FSTL5: variants seen among roughly 807,000 people sequenced by gnomAD.
The protein encoded by FSTL5 is follistatin like 5.
A neutral mutation model predicts 89.1 loss-of-function variants in FSTL5; 62 were observed. The ratio of observed to expected loss-of-function variants is 0.70; its 90% confidence interval spans 0.57 to 0.86. FSTL5 has a LOEUF of 0.86. FSTL5 is among the 40% of genes least tolerant of loss of function. The pLI, the probability that FSTL5 is intolerant of heterozygous loss-of-function variation, is 0.00. For synonymous variants in FSTL5, 383 were observed against 346.2 expected (o/e 1.11, Z -1.18); for missense variants, 1,057 against 1,001.6 (o/e 1.06, Z -0.75).
chr4:162,071,860 T>C (rs1187132844), intron 2 of FSTL5, among the ~76,000 whole-genome samples: 4 of 151,742 alleles, frequency 2.6e-5, no homozygotes, highest in South Asian at 2.1e-4. Flanking sequence ...ACAATACATA[T>C]ACAAATACAT....
At chr4:162,109,187 A>G (rs946366771) in intron 2 of FSTL5, among the ~76,000 whole-genome samples, 1 of 152,094 alleles carries the variant, frequency 6.6e-6, no homozygotes. Flanking sequence ...TGACTGACAC[A>G]AACAGAAATA....
intron 7 of FSTL5, among the ~76,000 whole-genome samples, chr4:161,624,986 A>G (rs1735265524): frequency 6.6e-6 from 1 of 152,124 alleles, no homozygotes; most frequent in African/African-American, 2.4e-5. Context: ...CATCAACAGC[A>G]GCTGAACTAG....
intron 3 of FSTL5, among the ~76,000 whole-genome samples, chr4:162,003,321 G>T (rs888937355): frequency 1.3e-5 from 2 of 152,104 alleles, no homozygotes; most frequent in Admixed American, 1.3e-4. Flanking sequence ...GGTACTATGA[G>T]GTTAGTTGTG....
At chr4:161,614,094 C>T (rs1041684902) in intron 7 of FSTL5, among the ~76,000 whole-genome samples, 3 of 151,488 alleles carry the variant, frequency 2.0e-5, no homozygotes, top group African/African-American at 7.3e-5. Context: ...ATTTAATCTC[C>T]CTAAAGTAGG....
chr4:161,451,266 GA>G (rs1733154240), intron 15 of FSTL5, among the ~76,000 whole-genome samples: 1 of 151,800 alleles, frequency 6.6e-6, no homozygotes, highest in African/African-American at 2.4e-5. Flanking sequence ...ATTTTTTAAA[GA>G]AAAATTTTTA....
intron 15 of FSTL5, among the ~76,000 whole-genome samples, chr4:161,415,443 T>C (rs1731739258): frequency 1.3e-5 from 2 of 152,014 alleles, no homozygotes; most frequent in African/African-American, 2.4e-5. Context: ...TTTGTAGAGA[T>C]GGTGTTTCAC....
chr4:161,793,860 C>T lies in FSTL5; in HGVS notation c.410-17786G>A, dbSNP rs189059482. ...CTGACCACAGGTGACCCTCCTGCCT[C>T]GGCTTCCCAAAGTGCTGGGATTACA... On this transcript the variant is annotated intron_variant, in intron 4 of 15. Transcript: ENST00000306100. Among the ~76,000 whole-genome samples, 72 of 152,216 alleles carry T rather than the reference C, an allele frequency of 4.7e-4. 1 individual carries two copies. The highest frequency in any genetic ancestry group is 3.2e-4 in the Non-Finnish European group (22 of 68,006).
chr4:161,425,031 T>G (rs977434985), intron 15 of FSTL5, among the ~76,000 whole-genome samples: 1 of 152,320 alleles, frequency 6.6e-6, no homozygotes, highest in Admixed American at 6.5e-5. Context: ...TACATTTTGT[T>G]GGAAGGAGCC....
intron 3 of FSTL5, among the ~76,000 whole-genome samples, chr4:161,947,685 T>C (rs896172441): frequency 2.0e-5 from 3 of 150,002 alleles, no homozygotes; most frequent in South Asian, 4.1e-4. Context: ...TATATGTTTT[T>C]CAGAATACTT....
Position 162,026,179 on chromosome 4 carries a change from C to A in FSTL5, c.160+7446G>T, listed in dbSNP as rs569959424. Among the ~76,000 whole-genome samples the A allele has an allele frequency of 3.3e-5, 5 of 151,750 alleles. No homozygotes were observed. In the East Asian group the frequency reaches 9.7e-4, roughly 29 times the overall value. On this transcript the variant is annotated intron_variant, in intron 3 of 15. Coordinates refer to ENST00000306100, the MANE Select transcript of FSTL5 (RefSeq NM_020116.5). Reference sequence around the variant, plus strand: ...TGCTCTTTCATAAAGGCCAACCATTCTAGGTAAGTGAAGTTATTCCTTCAA... The same window carrying A: ...TGCTCTTTCATAAAGGCCAACCATTATAGGTAAGTGAAGTTATTCCTTCAA...
At chr4:161,620,201 A>C in intron 7 of FSTL5, among the ~76,000 whole-genome samples, 1 of 66,960 alleles carries the variant, frequency 1.5e-5, no homozygotes, top group Non-Finnish European at 2.7e-5. Context: ...GGGTGGGGGG[A>C]GGGGGGAGGG....
chr4:161,807,190 T>C (rs927314759), intron 4 of FSTL5, among the ~76,000 whole-genome samples: 1 of 98,560 alleles, frequency 1.0e-5, no homozygotes, highest in African/African-American at 4.9e-5. Context: ...GAAGAACACA[T>C]GAGAATACAC....
At chr4:161,894,172 G>A (rs1733079758) in intron 4 of FSTL5, among the ~76,000 whole-genome samples, 1 of 152,066 alleles carries the variant, frequency 6.6e-6, no homozygotes, top group African/African-American at 2.4e-5. Flanking sequence ...ATGAGTGTTT[G>A]GATGAGGTCA....
intron 8 of FSTL5, among the ~76,000 whole-genome samples, chr4:161,549,716 C>A (rs1264134082): frequency 6.6e-6 from 1 of 151,888 alleles, no homozygotes; most frequent in Non-Finnish European, 1.5e-5. Context: ...TCACTTGGAC[C>A]ATTTGCTCTC....
chr4:161,487,253 G>GA (rs1016564596), intron 12 of FSTL5, among the ~76,000 whole-genome samples: 54 of 152,128 alleles, frequency 3.5e-4, no homozygotes, highest in African/African-American at 5.1e-4. Flanking sequence ...TAGCCAAAAA[G>GA]AAAAAATAGT....
intron 10 of FSTL5, among the ~76,000 whole-genome samples, chr4:161,519,411 C>A (rs940519094): frequency 6.6e-6 from 1 of 151,816 alleles, no homozygotes; most frequent in Non-Finnish European, 1.5e-5. Flanking sequence ...CTGTAGTCCC[C>A]GCTACTCGGG....
intron 15 of FSTL5, among the ~76,000 whole-genome samples, chr4:161,421,963 T>C (rs1274189536): frequency 6.6e-6 from 1 of 152,190 alleles, no homozygotes; most frequent in Non-Finnish European, 1.5e-5. Flanking sequence ...TCAGCCTTCA[T>C]AATTGCATGA....
intron 8 of FSTL5, among the ~76,000 whole-genome samples, chr4:161,545,502 C>G (rs556538918): frequency 4.6e-5 from 7 of 152,082 alleles, no homozygotes; most frequent in African/African-American, 1.7e-4. Flanking sequence ...TCTACCTTAC[C>G]AGACTCCAAA....
At chr4:161,776,900 T>C (rs985528733) in intron 4 of FSTL5, among the ~76,000 whole-genome samples, 2 of 151,970 alleles carry the variant, frequency 1.3e-5, no homozygotes, top group Non-Finnish European at 2.9e-5. Context: ...TTTAATTATT[T>C]TGAAATATAC....
Sources: gnomAD v4.1 joint callset for allele counts (sites outside exome capture counted in the v4.1 genomes callset) on GRCh38, gnomAD v4.1.1 for gene constraint, MANE v1.5 for transcripts, NCBI Gene and HGNC (gene_info 2026-07-23, HGNC 2026-07-21) for gene names.